The following PPP1R2 variants were observed in gnomAD, a reference collection of about 807,000 sequenced individuals.
PPP1R2 encodes the protein protein phosphatase inhibitor 2.
In PPP1R2, 16 loss-of-function variants were observed where a neutral mutation model predicts 29.9. The observed-to-expected ratio is 0.53, with a 90% CI of 0.36 to 0.81. PPP1R2 has a LOEUF of 0.81. PPP1R2 is among the 30% of genes least tolerant of loss of function. PPP1R2 has a pLI of 0.00. For missense variants in PPP1R2, 197 were observed against 252.7 expected (o/e 0.78, Z 1.49); for synonymous variants, 76 against 91.5 (o/e 0.83, Z 0.96).
chr3:195,524,596 C>T lies in PPP1R2; in HGVS notation c.308+223G>A, dbSNP rs79376703. 6.5e-4 allele frequency among the ~76,000 whole-genome samples: 99 copies of T among 152,212 alleles called. 2 individuals are homozygous for T. In the East Asian group the frequency reaches 0.015, roughly 23 times the overall value. On this transcript the variant is annotated intron_variant, in intron 3 of 5. Transcript: ENST00000618156. Reference sequence around the variant, plus strand: ...CCCAAGTGCAGGTACGCTGGTCTTCCTGCCACCTACATACCTTGATTTTAA... The same window carrying T: ...CCCAAGTGCAGGTACGCTGGTCTTCTTGCCACCTACATACCTTGATTTTAA...
chr3:195,523,647 A>G, intron 4 of PPP1R2, 45 bp downstream of exon 4: 1 of 1,510,238 alleles, frequency 6.6e-7, no homozygotes, highest in African/African-American at 1.4e-5. Flanking sequence ...TATCTTAGCA[A>G]AAATTACTAG....
intron 4 of PPP1R2, among the ~76,000 whole-genome samples, chr3:195,520,144 G>T (rs971782572): frequency 6.6e-5 from 10 of 152,004 alleles, no homozygotes; most frequent in Admixed American, 2.0e-4. Context: ...CGAGTAGTTG[G>T]GATCACAGGC....
At chr3:195,541,767 C>A (rs1719609074) in intron 1 of PPP1R2, among the ~76,000 whole-genome samples, 1 of 152,112 alleles carries the variant, frequency 6.6e-6, no homozygotes, top group African/African-American at 2.4e-5. Context: ...ATTCAAGCAT[C>A]CATGAGCGTG....
Position 195,516,836 on chromosome 3 carries a change from AC to A in PPP1R2, c.*59del, listed in dbSNP as rs1276139403. ...CATGAATTGTGAAGAACAAGAAGCA[AC>A]GTACTATAGTCACAGGGTTTACATC... On this transcript the variant is annotated 3_prime_UTR_variant, in exon 6 of 6. Transcript: ENST00000618156. 1 of 1,443,234 alleles carries A rather than the reference AC, an allele frequency of 6.9e-7. No homozygotes were observed. Among genetic ancestry groups the A allele is most frequent in the Admixed American group, 1.7e-5 (1 of 58,610 alleles). 89.4% of individuals were successfully genotyped at this position (1,443,234 alleles called of 1,614,324 possible). A position where few individuals can be genotyped will look rare whatever the true frequency, so the allele number is the denominator to read the frequency against.
At chr3:195,519,265 G>A (rs1718667393) in intron 4 of PPP1R2, 80 bp from the exon 5 acceptor site, 1 of 1,055,404 alleles carries the variant, frequency 9.5e-7, no homozygotes, top group African/African-American at 1.6e-5. Flanking sequence ...AAATTTTATT[G>A]AAACAGTGAT....
intron 1 of PPP1R2, among the ~76,000 whole-genome samples, chr3:195,533,362 A>T (rs1719257901): frequency 1.3e-5 from 2 of 151,904 alleles, no homozygotes; most frequent in African/African-American, 4.8e-5. Flanking sequence ...AAAAAAAAAA[A>T]AGCTCTATGA....
At chr3:195,542,055 T>C (rs1211988941) in intron 1 of PPP1R2, among the ~76,000 whole-genome samples, 2 of 152,256 alleles carry the variant, frequency 1.3e-5, no homozygotes, top group Non-Finnish European at 2.9e-5. Context: ...AGAGTCCTTC[T>C]ATTTTTAGTA....
intron 1 of PPP1R2, among the ~76,000 whole-genome samples, chr3:195,536,680 CA>C (rs1442720553): frequency 1.3e-5 from 2 of 150,826 alleles, no homozygotes; most frequent in Admixed American, 6.7e-5. Context: ...CCCAGCTACT[CA>C]GGGGGCTGAG....
At chr3:195,522,320 C>A (rs1310121520) in intron 4 of PPP1R2, among the ~76,000 whole-genome samples, 1 of 152,180 alleles carries the variant, frequency 6.6e-6, no homozygotes, top group Non-Finnish European at 1.5e-5. Flanking sequence ...CAGTTTTTCT[C>A]CCTAAGCTAT....
At chr3:195,536,597 C>T (rs928271223) in intron 1 of PPP1R2, among the ~76,000 whole-genome samples, 5 of 151,492 alleles carry the variant, frequency 3.3e-5, no homozygotes, top group South Asian at 2.1e-4. Context: ...AAGACCAGCC[C>T]GGCCAACATG....
chr3:195,541,455 CTTT>C lies in PPP1R2; in HGVS notation c.122+1446_122+1448del, dbSNP rs553981950. ...CTTTTAATTCCTTTTCTTTTCTTTC[CTTT>C]TTTTTTTTTTTTTTTTTTTTAAGAG... On this transcript the variant is annotated intron_variant, in intron 1 of 5. Transcript: ENST00000618156. 6.8e-3 allele frequency among the ~76,000 whole-genome samples: 679 copies of C among 99,268 alleles called. 9 individuals are homozygous for C. Among genetic ancestry groups the C allele is most frequent in the African/African-American group, 0.02 (520 of 25,930 alleles). 65.1% of individuals were successfully genotyped at this position (99,268 alleles called of 152,430 possible).
At chr3:195,534,546 TAA>T (rs973806812) in intron 1 of PPP1R2, among the ~76,000 whole-genome samples, 34 of 152,260 alleles carry the variant, frequency 2.2e-4, no homozygotes, top group African/African-American at 8.2e-4. Context: ...TCCTTAACTA[TAA>T]AGCTGCTAAC....
At position 195,536,686 on chromosome 3, in the gene PPP1R2, G is replaced by A. The variant is rs191292925; in HGVS notation, c.122+6218C>T. ...GCCTGTAATCCCAGCTACTCAGGGG[G>A]CTGAGGCTGGAGAATCACTTGCACC... On this transcript the variant is annotated intron_variant, in intron 1 of 5. Transcript: ENST00000618156. Among the ~76,000 whole-genome samples the A allele has an allele frequency of 2.5e-3, 372 of 151,830 alleles. 1 individual carries two copies. Among genetic ancestry groups the A allele is most frequent in the African/African-American group, 7.3e-3 (302 of 41,380 alleles).
chr3:195,517,024 G>T, intron 5 of PPP1R2, 82 bp from the exon 6 acceptor site: 1 of 1,075,714 alleles, frequency 9.3e-7, no homozygotes, highest in Non-Finnish European at 1.4e-6. Context: ...TAGCATGCAT[G>T]ACAAGCAAAT....
At chr3:195,533,840 C>T (rs1352763563) in intron 1 of PPP1R2, among the ~76,000 whole-genome samples, 1 of 152,148 alleles carries the variant, frequency 6.6e-6, no homozygotes, top group African/African-American at 2.4e-5. Flanking sequence ...AATGATGTCA[C>T]TATATGATAA....
intron 2 of PPP1R2, 97 bp from the exon 3 acceptor site, chr3:195,524,993 T>C (rs1336875603): frequency 1.1e-6 from 1 of 949,674 alleles, no homozygotes; most frequent in Middle Eastern, 2.5e-4. Context: ...ACTTAACATA[T>C]CAATATATTT....
chr3:195,537,448 A>G (rs1719433131), intron 1 of PPP1R2, among the ~76,000 whole-genome samples: 1 of 142,980 alleles, frequency 7.0e-6, no homozygotes, highest in African/African-American at 2.6e-5. Context: ...TAACGTCCCC[A>G]GTAAATTACC....
chr3:195,531,533 G>C (rs1453687831), intron 1 of PPP1R2, among the ~76,000 whole-genome samples: 2 of 152,118 alleles, frequency 1.3e-5, no homozygotes, highest in South Asian at 4.1e-4. Flanking sequence ...GCCTACTCTT[G>C]CAGGTGACTT....
chr3:195,514,604 G>A lies in PPP1R2; in HGVS notation c.*2292C>T, dbSNP rs9935. ...TTTTAGTCATCTCTGCAGAATTTTA[G>A]ACAAATGAAAACAGACAAGGTAACA... On this transcript the variant is annotated 3_prime_UTR_variant, in exon 6 of 6. Coordinates refer to ENST00000618156, the MANE Select transcript of PPP1R2 (RefSeq NM_006241.8). The A allele has an allele frequency of 6.6e-6, 1 of 152,118 alleles. No individual in the cohort carries two copies. The highest frequency in any genetic ancestry group is 1.5e-5 in the Non-Finnish European group (1 of 68,002). 9.4% of individuals were successfully genotyped at this position (152,118 alleles called of 1,614,324 possible). A position where few individuals can be genotyped will look rare whatever the true frequency, so the allele number is the denominator to read the frequency against.
Sources: gnomAD v4.1 joint callset for allele counts (sites outside exome capture counted in the v4.1 genomes callset) on GRCh38, gnomAD v4.1.1 for gene constraint, MANE v1.5 for transcripts, NCBI Gene and HGNC (gene_info 2026-07-23, HGNC 2026-07-21) for gene names.